Variants in FANCC observed in about 807,000 individuals in gnomAD.
FANCC encodes the protein FA complementation group C, also known as Fanconi anemia group C protein.
Under a neutral mutation model 71.3 loss-of-function variants are expected in FANCC, and 55 were observed. The observed-to-expected ratio is 0.77, with a 90% CI of 0.62 to 0.97. The LOEUF is 0.97. Among genes scored for constraint, FANCC ranks in the 50% least tolerant of loss-of-function variants. The probability of loss-of-function intolerance (pLI) is 0.00; values close to 1 mark genes in which losing one functional copy is unlikely to be tolerated. For synonymous variants in FANCC, 275 were observed against 244.9 expected (o/e 1.12, Z -1.15); for missense variants, 678 against 670.9 (o/e 1.01, Z -0.12).
chr9:95,101,646 G>C lies in FANCC; in HGVS notation c.*61C>G, dbSNP rs1183975738. On this transcript the variant is annotated 3_prime_UTR_variant, in exon 15 of 15. Transcript: ENST00000289081. The stretch of plus-strand genomic sequence containing the variant: ...AATGCGTGGCCACAGGTCATCACCT[G>C]TCCTGTGGCCCTGGCGAGCCTGATC... 1 of 1,605,992 alleles carries C rather than the reference G, an allele frequency of 6.2e-7. No individual in the cohort carries two copies. The highest frequency in any genetic ancestry group is 1.3e-5 in the African/African-American group (1 of 74,774).
chr9:95,115,844 A>T (rs950876554), intron 11 of FANCC, among the ~76,000 whole-genome samples: 1 of 152,188 alleles, frequency 6.6e-6, no homozygotes, highest in African/African-American at 2.4e-5. Context: ...CTCCACTTGT[A>T]GTGTCTACAC....
chr9:95,305,615 T>A (rs1373887334), intron 1 of FANCC, among the ~76,000 whole-genome samples: 1 of 152,250 alleles, frequency 6.6e-6, no homozygotes, highest in Non-Finnish European at 1.5e-5. Context: ...CATTAACAGT[T>A]AATTCTTCCC....
intron 1 of FANCC, among the ~76,000 whole-genome samples, chr9:95,274,187 C>T (rs1832904842): frequency 6.6e-6 from 1 of 151,614 alleles, no homozygotes; most frequent in East Asian, 1.9e-4. Context: ...CCCTCACCCC[C>T]TGACAGACCC....
At chr9:95,175,321 C>G (rs891886942) in intron 4 of FANCC, among the ~76,000 whole-genome samples, 1 of 152,078 alleles carries the variant, frequency 6.6e-6, no homozygotes, top group African/African-American at 2.4e-5. Context: ...ACAAAAAACC[C>G]CCAGTAATAT....
chr9:95,176,450 T>TAA (rs1826015795), intron 4 of FANCC, among the ~76,000 whole-genome samples: 1 of 152,248 alleles, frequency 6.6e-6, no homozygotes, highest in South Asian at 2.1e-4. Context: ...ACAGGCTTTT[T>TAA]GGGCCATCAG....
At chr9:95,107,611 G>C (rs575419756) in intron 13 of FANCC, 1 of 415,396 alleles carries the variant, frequency 2.4e-6, no homozygotes, top group East Asian at 4.4e-5. Flanking sequence ...TTGAAGACTC[G>C]CCTATCACAG....
At chr9:95,154,889 G>C (rs942608252) in intron 6 of FANCC, among the ~76,000 whole-genome samples, 1 of 151,960 alleles carries the variant, frequency 6.6e-6, no homozygotes, top group Admixed American at 6.6e-5. Flanking sequence ...AAAATACAAT[G>C]TTAACTAGTA....
At chr9:95,300,092 C>A (rs1834630262) in intron 1 of FANCC, among the ~76,000 whole-genome samples, 2 of 152,132 alleles carry the variant, frequency 1.3e-5, no homozygotes, top group African/African-American at 4.8e-5. Flanking sequence ...TATGGTCTCC[C>A]AAATATAGGG....
intron 13 of FANCC, among the ~76,000 whole-genome samples, chr9:95,108,628 C>A (rs895590385): frequency 2.6e-5 from 4 of 152,118 alleles, no homozygotes; most frequent in Non-Finnish European, 4.4e-5. Context: ...TAAAAGCTTT[C>A]TTTTCTTTTT....
intron 1 of FANCC, chr9:95,294,441 C>A: frequency 1.9e-6 from 3 of 1,603,692 alleles, no homozygotes; most frequent in Non-Finnish European, 8.5e-7. Flanking sequence ...AGATGTTTGA[C>A]AGACAAACAC....
At chr9:95,227,260 C>T (rs1829677562) in intron 4 of FANCC, among the ~76,000 whole-genome samples, 1 of 152,172 alleles carries the variant, frequency 6.6e-6, no homozygotes, top group Non-Finnish European at 1.5e-5. Context: ...CTTGCCTTGC[C>T]TGCAGAAAGG....
At chr9:95,253,913 A>T (rs188295688) in intron 1 of FANCC, among the ~76,000 whole-genome samples, 252 of 152,368 alleles carry the variant, frequency 1.7e-3, no homozygotes, top group African/African-American at 5.8e-3. Context: ...TGTGCAGTTC[A>T]CAAGAGGATT....
intron 3 of FANCC, among the ~76,000 whole-genome samples, chr9:95,242,597 A>T (rs1830702636): frequency 6.6e-6 from 1 of 151,742 alleles, no homozygotes; most frequent in Non-Finnish European, 1.5e-5. Context: ...ATGCAAACTT[A>T]GTTCAAAAGG....
intron 4 of FANCC, among the ~76,000 whole-genome samples, chr9:95,193,187 T>C (rs1382223911): frequency 1.3e-5 from 2 of 152,054 alleles, no homozygotes; most frequent in Non-Finnish European, 2.9e-5. Context: ...CTGATTAGAT[T>C]AGAAATGGAT....
Position 95,291,967 on chromosome 9 carries a change from A to AATATATATAT in FANCC, c.-79+25549_-79+25558dup, listed in dbSNP as rs34066396. On this transcript the variant is annotated intron_variant, in intron 1 of 14. Transcript: ENST00000289081. ...TGTCTCAAAAAAAAAAAAAAAAAAA[A>AATATATATAT]ATATATATATATATATATATATATA... is the stretch of plus-strand genomic sequence containing the variant. 2.2e-3 allele frequency among the ~76,000 whole-genome samples: 113 copies of AATATATATAT among 50,406 alleles called. 2 individuals carry two copies. The highest frequency in any genetic ancestry group is 3.0e-3 in the East Asian group (4 of 1,336). 33.1% of individuals were successfully genotyped at this position (50,406 alleles called of 152,430 possible).
intron 4 of FANCC, among the ~76,000 whole-genome samples, chr9:95,232,958 A>G (rs1177156376): frequency 1.3e-5 from 2 of 152,164 alleles, no homozygotes; most frequent in Admixed American, 6.5e-5. Context: ...CCTGAATCTC[A>G]TCAGCCTTGA....
At chr9:95,261,610 C>A (rs1040870340) in intron 1 of FANCC, among the ~76,000 whole-genome samples, 1 of 152,138 alleles carries the variant, frequency 6.6e-6, no homozygotes, top group African/African-American at 2.4e-5. Flanking sequence ...GTGCATTTAC[C>A]CAGTCCCTAA....
chr9:95,259,296 T>C (rs898388485), intron 1 of FANCC, among the ~76,000 whole-genome samples: 1 of 152,082 alleles, frequency 6.6e-6, no homozygotes, highest in African/African-American at 2.4e-5. Context: ...AATTATATAC[T>C]ACAAGGCTAC....
At chr9:95,119,742 C>T (rs1393951582) in intron 10 of FANCC, among the ~76,000 whole-genome samples, 1 of 148,668 alleles carries the variant, frequency 6.7e-6, no homozygotes, top group Non-Finnish European at 1.5e-5. Flanking sequence ...GATATGGTTT[C>T]ACTCTGTTGC....
Sources: gnomAD v4.1 joint callset for allele counts (sites outside exome capture counted in the v4.1 genomes callset) on GRCh38, gnomAD v4.1.1 for gene constraint, MANE v1.5 for transcripts, NCBI Gene and HGNC (gene_info 2026-07-23, HGNC 2026-07-21) for gene names.